The following CEP135 variants were observed in gnomAD, a reference collection of about 807,000 sequenced individuals.
The protein encoded by CEP135 is centrosomal protein of 135 kDa.
CEP135 carries 142 observed loss-of-function variants against 157.3 expected under a neutral mutation model. That is an observed-to-expected ratio of 0.90 (90% CI 0.79 to 1.04). CEP135 has a LOEUF of 1.04. Ranked by LOEUF, CEP135 falls within the 50% of genes least tolerant of loss-of-function variation. The probability of loss-of-function intolerance (pLI) is 0.00; values close to 1 mark genes in which losing one functional copy is unlikely to be tolerated. For synonymous variants in CEP135, 396 were observed against 439.8 expected (o/e 0.90, Z 1.25); for missense variants, 1,317 against 1,309.2 (o/e 1.01, Z -0.09).
At chr4:55,986,452 G>T (rs1192596945) in intron 14 of CEP135, among the ~76,000 whole-genome samples, 2 of 152,114 alleles carry the variant, frequency 1.3e-5, no homozygotes. Context: ...TGAAGTAAGA[G>T]GATCACTGGA....
At chr4:56,001,666 T>C (rs1730175093) in intron 17 of CEP135, among the ~76,000 whole-genome samples, 1 of 152,120 alleles carries the variant, frequency 6.6e-6, no homozygotes, top group Non-Finnish European at 1.5e-5. Flanking sequence ...GTATGGTATA[T>C]TTTGAAGTCA....
chr4:55,973,356 A>G (rs920380084), intron 10 of CEP135, among the ~76,000 whole-genome samples: 2 of 152,186 alleles, frequency 1.3e-5, no homozygotes, highest in African/African-American at 2.4e-5. Context: ...AATGTTTTGC[A>G]CTGTCAATAA....
At chr4:56,027,922 C>G (rs1731210408) in intron 25 of CEP135, among the ~76,000 whole-genome samples, 1 of 152,152 alleles carries the variant, frequency 6.6e-6, no homozygotes, top group African/African-American at 2.4e-5. Context: ...CAATCACTCT[C>G]CAATCCCCAG....
chr4:55,999,511 A>C lies in CEP135; in HGVS notation c.2146A>C (p.Thr716Pro). ...TGTAGATGAACTAAACCTTAAGATGACTTCACAGGATGAGGAGGCTCATGT... is the reference window on the plus strand; with the variant it reads ...TGTAGATGAACTAAACCTTAAGATGCCTTCACAGGATGAGGAGGCTCATGT... ...EKIDELNLKM[T>P]SQDEEAHVMK... Residue 716 changes from threonine (T) to proline (P), a missense_variant, in exon 17 of 26, where the codon ACT becomes CCT. Physicochemically the swap from Thr to Pro is conservative, Grantham distance 38. Transcript: ENST00000257287. The C allele has an allele frequency of 6.2e-7, 1 of 1,610,822 alleles. No individual in the cohort carries two copies. The highest frequency in any genetic ancestry group is 1.3e-5 in the African/African-American group (1 of 74,690).
chr4:56,031,273 A>G (rs1731339507), intron 25 of CEP135, 87 bp from the exon 26 acceptor site: 1 of 152,654 alleles, frequency 6.6e-6, no homozygotes, highest in South Asian at 2.1e-4. Flanking sequence ...TTCATTTATA[A>G]CATTATTGAA....
chr4:55,999,022 G>A (rs1289309784), intron 15 of CEP135, among the ~76,000 whole-genome samples: 1 of 152,126 alleles, frequency 6.6e-6, no homozygotes, highest in Non-Finnish European at 1.5e-5. Flanking sequence ...AAACTAAGAA[G>A]AGCTTTAAAA....
chr4:55,991,686 TTATAGA>T (rs1240529826), intron 14 of CEP135, among the ~76,000 whole-genome samples: 1 of 152,196 alleles, frequency 6.6e-6, no homozygotes, highest in Non-Finnish European at 1.5e-5. Flanking sequence ...TTCATTGCTG[TTATAGA>T]TATATTCTTT....
intron 25 of CEP135, among the ~76,000 whole-genome samples, chr4:56,027,231 AT>A (rs2109755476): frequency 6.6e-6 from 1 of 152,286 alleles, no homozygotes; most frequent in African/African-American, 2.4e-5. Flanking sequence ...TGACACAGAC[AT>A]TTTCTCATGT....
At chr4:55,993,008 C>T (rs1428770529) in intron 15 of CEP135, among the ~76,000 whole-genome samples, 1 of 152,088 alleles carries the variant, frequency 6.6e-6, no homozygotes, top group Admixed American at 6.5e-5. Context: ...TTTCAAATGT[C>T]AGCAAGACAT....
rs1447851368 is a variant in CEP135 at position 56,031,409 on chromosome 4, AG to A, written c.*62del. On this transcript the variant is annotated 3_prime_UTR_variant, in exon 26 of 26. Coordinates refer to ENST00000257287, the MANE Select transcript of CEP135 (RefSeq NM_025009.5). ...ATGTGGATTTTTAAAAGAACAGAAC[AG>A]TAATGAAATATTTGAAGTACTTGTT... The A allele has an allele frequency of 4.6e-5, 7 of 152,750 alleles. No homozygotes were observed. In the East Asian group the frequency reaches 1.4e-3, roughly 29 times the overall value. The allele number at this position is 152,750 out of a possible 1,614,324, so 9.5% of individuals were successfully genotyped here. A position where few individuals can be genotyped will look rare whatever the true frequency, so the allele number is the denominator to read the frequency against.
rs780295041 is a variant in CEP135, at chr4:55,971,132, A to G, written c.1111-138A>G. The G allele has an allele frequency of 3.2e-4, 155 of 485,954 alleles. 2 individuals are homozygous for G. The highest frequency in any genetic ancestry group is 1.2e-3 in the Middle Eastern group (2 of 1,722). The allele number at this position is 485,954 out of a possible 1,614,324, so 30.1% of individuals were successfully genotyped here. On this transcript the variant is annotated intron_variant, in intron 9 of 25. Coordinates refer to ENST00000257287, the MANE Select transcript of CEP135 (RefSeq NM_025009.5). ...TAATTAAGTTTAATTGAAACCTTAT[A>G]TTTGACTAATTAAGTATATGTACAC... is the stretch of plus-strand genomic sequence containing the variant.
At chr4:55,954,785 A>G (rs1415293096) in intron 4 of CEP135, among the ~76,000 whole-genome samples, 2 of 152,134 alleles carry the variant, frequency 1.3e-5, no homozygotes, top group African/African-American at 2.4e-5. Flanking sequence ...GTTATAGAGC[A>G]AGAAAAGGAA....
intron 12 of CEP135, 27 bp from the exon 13 acceptor site, chr4:55,981,200 T>C: frequency 6.4e-7 from 1 of 1,551,732 alleles, no homozygotes. Context: ...AAGTGCCTTT[T>C]TAATTTATAT....
intron 12 of CEP135, 25 bp from the exon 13 acceptor site, chr4:55,981,202 A>G (rs761180250): frequency 6.4e-7 from 1 of 1,551,208 alleles, no homozygotes; most frequent in Admixed American, 2.4e-5. Context: ...GTGCCTTTTT[A>G]ATTTATATCT....
intron 14 of CEP135, among the ~76,000 whole-genome samples, chr4:55,985,802 T>C (rs1577886804): frequency 6.6e-6 from 1 of 152,126 alleles, no homozygotes; most frequent in Admixed American, 6.6e-5. Flanking sequence ...TAGCTGGGCA[T>C]GGTGGTGCAC....
intron 25 of CEP135, among the ~76,000 whole-genome samples, chr4:56,029,891 G>T (rs1398791250): frequency 6.6e-6 from 1 of 152,198 alleles, no homozygotes; most frequent in Non-Finnish European, 1.5e-5. Context: ...GTGAGTGAAC[G>T]TGAAGGCCTA....
chr4:56,022,838 G>C (rs949304168), intron 24 of CEP135, among the ~76,000 whole-genome samples: 21 of 152,170 alleles, frequency 1.4e-4, no homozygotes, highest in Non-Finnish European at 2.8e-4. Context: ...GTTCGTGCCT[G>C]TAATCCCAGC....
Position 56,003,721 on chromosome 4 carries a change from G to GT in CEP135, c.2280+4087dup, listed in dbSNP as rs1314313548. 3.2e-3 allele frequency among the ~76,000 whole-genome samples: 445 copies of GT among 141,086 alleles called. 3 individuals are homozygous for GT. The highest frequency in any genetic ancestry group is 4.7e-3 in the African/African-American group (175 of 37,512). 92.6% of individuals were successfully genotyped at this position (141,086 alleles called of 152,430 possible). On this transcript the variant is annotated intron_variant, in intron 17 of 25. Coordinates refer to ENST00000257287, the MANE Select transcript of CEP135 (RefSeq NM_025009.5). ...TTTATTTGAAATCTTTTTTTGTTTT[G>GT]TTTTTTTTTTTGTTTTTGAGACAGA...
chr4:55,979,533 C>T (rs903670486), intron 11 of CEP135, among the ~76,000 whole-genome samples: 52 of 152,082 alleles, frequency 3.4e-4, no homozygotes, highest in African/African-American at 1.2e-3. Context: ...GTATGCCTGG[C>T]GTATTGATCT....
Sources: allele counts gnomAD v4.1 joint callset (sites outside exome capture counted in the v4.1 genomes callset), GRCh38; gene constraint gnomAD v4.1.1; transcripts MANE v1.5; gene names NCBI Gene and HGNC (gene_info 2026-07-23, HGNC 2026-07-21).